Variants in CSNK2A2IP observed in about 807,000 individuals in gnomAD.
CSNK2A2IP encodes casein kinase 2 subunit alpha' interacting protein.
chr3:88,385,614 C>T, the CSNK2A2IP span, among the ~76,000 whole-genome samples: 3 of 151,750 alleles, frequency 2.0e-5, no homozygotes, highest in South Asian at 4.2e-4. Flanking sequence ...ACTACTAGAA[C>T]ATATTTATAG....
chr3:88,413,965 G>A, the CSNK2A2IP span, among the ~76,000 whole-genome samples: 3 of 151,520 alleles, frequency 2.0e-5, no homozygotes, highest in Admixed American at 2.0e-4. Flanking sequence ...TATCAAGAAA[G>A]AATAAAGACA....
the CSNK2A2IP span, chr3:88,465,891 AG>A: frequency 8.1e-7 from 1 of 1,231,680 alleles, no homozygotes; most frequent in Non-Finnish European, 1.0e-6. Context: ...CTCATCAAAG[AG>A]TCTCAAGTTC....
chr3:88,391,451 A>G, the CSNK2A2IP span, among the ~76,000 whole-genome samples: 3 of 152,238 alleles, frequency 2.0e-5, no homozygotes, highest in Non-Finnish European at 2.9e-5. Context: ...AAAAGTAGTT[A>G]GAATATTTCA....
At chr3:88,457,621 G>A in the CSNK2A2IP span, among the ~76,000 whole-genome samples, 3 of 151,618 alleles carry the variant, frequency 2.0e-5, no homozygotes, top group African/African-American at 7.3e-5. Context: ...CGCTTGAACT[G>A]GGAGGCAGAG....
chr3:88,339,972 G>T, the CSNK2A2IP span, among the ~76,000 whole-genome samples: 1 of 151,886 alleles, frequency 6.6e-6, no homozygotes, highest in Non-Finnish European at 1.5e-5. Flanking sequence ...AAATTGTAAA[G>T]CTAATGTTTT....
At chr3:88,427,418 A>G in the CSNK2A2IP span, among the ~76,000 whole-genome samples, 1 of 152,246 alleles carries the variant, frequency 6.6e-6, no homozygotes, top group Non-Finnish European at 1.5e-5. Flanking sequence ...GGCTGCAGAA[A>G]TTTGCATAAG....
the CSNK2A2IP span, among the ~76,000 whole-genome samples, chr3:88,381,280 G>T: frequency 6.6e-6 from 1 of 152,136 alleles, no homozygotes; most frequent in Non-Finnish European, 1.5e-5. Flanking sequence ...TTCTCAAAGG[G>T]CAGAGGACAA....
At chr3:88,394,153 A>G in the CSNK2A2IP span, among the ~76,000 whole-genome samples, 1 of 152,228 alleles carries the variant, frequency 6.6e-6, no homozygotes, top group Non-Finnish European at 1.5e-5. Context: ...AGACAAGTGC[A>G]GACACTTATT....
At chr3:88,349,266 CTT>C in the CSNK2A2IP span, among the ~76,000 whole-genome samples, 1 of 151,814 alleles carries the variant, frequency 6.6e-6, no homozygotes, top group Non-Finnish European at 1.5e-5. Flanking sequence ...AATATGTTGT[CTT>C]TTGTCCTTCT....
chr3:88,461,394 A>G, the CSNK2A2IP span, among the ~76,000 whole-genome samples: 2 of 151,998 alleles, frequency 1.3e-5, no homozygotes, highest in Non-Finnish European at 2.9e-5. Flanking sequence ...TCTACTAAAA[A>G]TACAAAAAAT....
the CSNK2A2IP span, among the ~76,000 whole-genome samples, chr3:88,352,910 C>T: frequency 3.3e-5 from 5 of 152,224 alleles, no homozygotes; most frequent in African/African-American, 1.2e-4. Flanking sequence ...TTATCCTAAA[C>T]TTCCTTCAGA....
At chr3:88,462,712 A>C in the CSNK2A2IP span, among the ~76,000 whole-genome samples, 110,071 of 151,986 alleles carry the variant, frequency 0.72, 41,032 homozygotes, top group East Asian at 0.92. Context: ...AATTAAATGA[A>C]GAAGTGCTTG....
chr3:88,345,611 A>T, the CSNK2A2IP span, among the ~76,000 whole-genome samples: 1 of 151,742 alleles, frequency 6.6e-6, no homozygotes, highest in Non-Finnish European at 1.5e-5. Context: ...GGCCTCTTTG[A>T]TGTTACTGTT....
chr3:88,396,280 T>C, the CSNK2A2IP span, among the ~76,000 whole-genome samples: 9 of 151,848 alleles, frequency 5.9e-5, no homozygotes, highest in African/African-American at 1.9e-4. Context: ...TAATTTTTTG[T>C]ATTTTTAGTA....
chr3:88,346,225 G>A, the CSNK2A2IP span, among the ~76,000 whole-genome samples: 4 of 152,092 alleles, frequency 2.6e-5, no homozygotes, highest in East Asian at 1.9e-4. Context: ...AAGGAAAGAA[G>A]CCGTCTCCAT....
At chr3:88,427,415 G>A in the CSNK2A2IP span, among the ~76,000 whole-genome samples, 53 of 152,354 alleles carry the variant, frequency 3.5e-4, 1 homozygote, top group South Asian at 0.011. Context: ...GCTGGCTGCA[G>A]AAATTTGCAT....
the CSNK2A2IP span, among the ~76,000 whole-genome samples, chr3:88,369,182 A>G: frequency 6.6e-6 from 1 of 152,030 alleles, no homozygotes; most frequent in Non-Finnish European, 1.5e-5. Flanking sequence ...GCTATAGCAT[A>G]GTGAACAAAA....
chr3:88,432,532 A>C, the CSNK2A2IP span, among the ~76,000 whole-genome samples: 1 of 151,730 alleles, frequency 6.6e-6, no homozygotes, highest in Admixed American at 6.6e-5. Flanking sequence ...ACTATATGTT[A>C]AGCAACTGTT....
the CSNK2A2IP span, among the ~76,000 whole-genome samples, chr3:88,359,780 T>C: frequency 6.6e-6 from 1 of 152,218 alleles, no homozygotes; most frequent in Non-Finnish European, 1.5e-5. Flanking sequence ...TTTTGTGGCC[T>C]ATCTTAAGGT....
Sources: gnomAD v4.1 joint callset for allele counts (sites outside exome capture counted in the v4.1 genomes callset) on GRCh38, gnomAD v4.1.1 for gene constraint, MANE v1.5 for transcripts, NCBI Gene and HGNC (gene_info 2026-07-23, HGNC 2026-07-21) for gene names.